Variants in SP140 observed in about 807,000 individuals in gnomAD.
SP140 encodes the protein SP140 nuclear body protein, also known as nuclear body protein SP140.
SP140 carries 81 observed loss-of-function variants against 125.0 expected under a neutral mutation model. The observed-to-expected ratio is 0.65, with a 90% CI of 0.54 to 0.78. The LOEUF (loss-of-function observed/expected upper bound fraction) is 0.78, where lower values mean the gene tolerates loss of function less well. SP140 is among the 30% of genes least tolerant of loss of function. The pLI is 0.00. For missense variants in SP140, 858 were observed against 1,037.0 expected (o/e 0.83, Z 2.37); for synonymous variants, 312 against 354.0 (o/e 0.88, Z 1.33).
At chr2:230,261,569 G>T (rs1166138992) in intron 12 of SP140, among the ~76,000 whole-genome samples, 1 of 152,118 alleles carries the variant, frequency 6.6e-6, no homozygotes, top group East Asian at 1.9e-4. Flanking sequence ...TCCCCATTCA[G>T]TATTATGTTG....
intron 14 of SP140, 79 bp from the exon 15 acceptor site, chr2:230,270,507 C>A: frequency 7.4e-7 from 1 of 1,354,774 alleles, no homozygotes; most frequent in Non-Finnish European, 1.0e-6. Flanking sequence ...CTCAAGCCTT[C>A]TGTAGTATAC....
intron 11 of SP140, among the ~76,000 whole-genome samples, chr2:230,254,389 T>A (rs2050832500): frequency 6.6e-6 from 1 of 152,142 alleles, no homozygotes; most frequent in Non-Finnish European, 1.5e-5. Flanking sequence ...AAGAATTCTT[T>A]CTCTCCCCGC....
chr2:230,305,684 G>T (rs1195973521), intron 22 of SP140, among the ~76,000 whole-genome samples: 1 of 152,220 alleles, frequency 6.6e-6, no homozygotes, highest in African/African-American at 2.4e-5. Flanking sequence ...GGGCCCGAAC[G>T]CGGAGCAGTG....
chr2:230,308,514 T>C (rs922134702), intron 22 of SP140, among the ~76,000 whole-genome samples: 2 of 152,252 alleles, frequency 1.3e-5, no homozygotes, highest in African/African-American at 4.8e-5. Flanking sequence ...TTGACAGCAG[T>C]GTATTAGTCA....
chr2:230,309,887 C>A (rs561306258), intron 22 of SP140, 37 bp from the exon 23 acceptor site: 1 of 1,607,164 alleles, frequency 6.2e-7, no homozygotes, highest in Admixed American at 1.7e-5. Flanking sequence ...CTGAATCTTG[C>A]GGTTCCCAGT....
chr2:230,275,489 CTG>C (rs2054580391), intron 15 of SP140, among the ~76,000 whole-genome samples: 1 of 152,160 alleles, frequency 6.6e-6, no homozygotes, highest in Non-Finnish European at 1.5e-5. Context: ...GCACCACACA[CTG>C]TGTTCGTATA....
upstream of SP140, chr2:230,202,613 C>T (rs1193533557): frequency 8.1e-6 from 13 of 1,614,186 alleles, no homozygotes; most frequent in African/African-American, 4.0e-5. Flanking sequence ...ATTCAGTTCT[C>T]GCCTTTTGGG....
chr2:230,269,515 T>G lies in SP140; in HGVS notation c.1241-17T>G, dbSNP rs1271558350. On this transcript the variant is annotated splice_polypyrimidine_tract_variant and intron_variant, in intron 12 of 26. Coordinates refer to ENST00000392045, the MANE Select transcript of SP140 (RefSeq NM_007237.5). ...GTCTCAGGATCCTTGGACAATAATT[T>G]TCTTGTTTCTCATTAGTGTCTAGTG... 10 of 1,498,056 alleles carry G rather than the reference T, an allele frequency of 6.7e-6. No individual in the cohort carries two copies. Among genetic ancestry groups the G allele is most frequent in the Non-Finnish European group, 9.3e-6 (10 of 1,074,474 alleles). 92.8% of individuals were successfully genotyped at this position (1,498,056 alleles called of 1,614,324 possible). A position where few individuals can be genotyped will look rare whatever the true frequency, so the allele number is the denominator to read the frequency against.
intron 3 of SP140, chr2:230,214,986 G>A: frequency 6.2e-7 from 1 of 1,613,966 alleles, no homozygotes; most frequent in Non-Finnish European, 8.5e-7. Flanking sequence ...ACCAGATTGG[G>A]ATATTCACGC....
Position 230,241,474 on chromosome 2 carries a change from A to T in SP140, c.477A>T (p.Pro159=), listed in dbSNP as rs371896289. 1.3e-6 allele frequency: 2 copies of T among 1,571,546 alleles called. No homozygotes were observed. Among genetic ancestry groups the T allele is most frequent in the East Asian group, 2.2e-5 (1 of 44,678 alleles). Residue 159 remains proline (P), a synonymous_variant, in exon 4 of 27, where the codon CCA becomes CCT. Coordinates refer to ENST00000392045, the MANE Select transcript of SP140 (RefSeq NM_007237.5). ...NDLEDRPRLL[P]YGKQENSNAC... Reference sequence around the variant, plus strand: ...TAGAAGATAGACCCAGATTACTACCATATGGTAAACAAGGTAACTATCATT... The same window carrying T: ...TAGAAGATAGACCCAGATTACTACCTTATGGTAAACAAGGTAACTATCATT...
intron 12 of SP140, among the ~76,000 whole-genome samples, chr2:230,256,679 A>T (rs988882403): frequency 4.6e-5 from 7 of 152,154 alleles, no homozygotes; most frequent in Non-Finnish European, 1.0e-4. Flanking sequence ...AATAAAAAAA[A>T]TTTCTATTCT....
In SP140 at chr2:230,247,998, G is replaced by A; in HGVS notation, c.825G>A (p.Arg275=). The A allele has an allele frequency of 6.2e-7, 1 of 1,613,824 alleles. No homozygotes were observed. The highest frequency in any genetic ancestry group is 1.7e-5 in the Admixed American group (1 of 59,956). ...PGEKQGEEEG[R]NSPRKRNQDK... is the part of the protein sequence containing the mutation. Reference sequence around the variant, plus strand: ...AGAAACAGGGAGAGGAGGAAGGCAGGAACAGTCCCAGAAAAAGAAACCAAG... The same window carrying A: ...AGAAACAGGGAGAGGAGGAAGGCAGAAACAGTCCCAGAAAAAGAAACCAAG... The change falls in exon 8 of 27, where the codon AGG becomes AGA. Residue 275 remains arginine, a synonymous_variant. Transcript: ENST00000392045.
rs978159699 is a variant in SP140, at chr2:230,211,062, A to G, written c.-322-2592A>G. Among the ~76,000 whole-genome samples, 2 of 152,204 alleles carry G rather than the reference A, an allele frequency of 1.3e-5. No individual in the cohort carries two copies. The highest frequency in any genetic ancestry group is 2.9e-5 in the Non-Finnish European group (2 of 68,036). On this transcript the variant is annotated intron_variant, in intron 1 of 4. Coordinates refer to the SP140 transcript ENST00000456542. The surrounding 1 kb of genome is among the most constrained non-coding windows in gnomAD (Gnocchi z 4.2). Reference sequence around the variant, plus strand: ...CACTACTTTATTGAAGTGGCCTCAGAAGAGTGGCTCTGTCAAACAGTCCAG... The same window carrying G: ...CACTACTTTATTGAAGTGGCCTCAGGAGAGTGGCTCTGTCAAACAGTCCAG...
intron 15 of SP140, among the ~76,000 whole-genome samples, chr2:230,279,937 T>C (rs1343319510): frequency 5.3e-5 from 8 of 152,026 alleles, no homozygotes; most frequent in Non-Finnish European, 1.2e-4. Context: ...TTTTTTTTTT[T>C]AATTTGCAAC....
At chr2:230,287,420 A>G (rs1167813620) in intron 17 of SP140, among the ~76,000 whole-genome samples, 5 of 152,184 alleles carry the variant, frequency 3.3e-5, no homozygotes, top group Non-Finnish European at 4.4e-5. Context: ...AGAAACTGAA[A>G]CGCCTTCACT....
chr2:230,221,768 A>G (rs2045840249), upstream of SP140: 6 of 1,527,578 alleles, frequency 3.9e-6, no homozygotes, highest in African/African-American at 1.4e-5. Flanking sequence ...TGGCAGCAAG[A>G]ACTTCTTCCT....
the SP140 span, among the ~76,000 whole-genome samples, chr2:230,195,363 C>T: frequency 6.6e-6 from 1 of 152,158 alleles, no homozygotes; most frequent in Non-Finnish European, 1.5e-5. Flanking sequence ...GGGACAGAGT[C>T]TTGTTCTGTT....
intron 1 of SP140, among the ~76,000 whole-genome samples, chr2:230,206,285 T>C (rs1033436907): frequency 1.3e-5 from 2 of 152,036 alleles, no homozygotes; most frequent in African/African-American, 4.8e-5. Flanking sequence ...AAAATTTTTC[T>C]TAAATTTTCC....
chr2:230,250,872 A>G (rs2050254085), intron 9 of SP140, 109 bp from the exon 10 acceptor site: 2 of 1,211,546 alleles, frequency 1.7e-6, no homozygotes, highest in Non-Finnish European at 2.4e-6. Flanking sequence ...CCTACAGGCC[A>G]GGAGGGCCTG....
Sources: allele counts gnomAD v4.1 joint callset (sites outside exome capture counted in the v4.1 genomes callset), GRCh38; gene constraint gnomAD v4.1.1; non-coding constraint Gnocchi (gnomAD v3.1); transcripts MANE v1.5; gene names NCBI Gene and HGNC (gene_info 2026-07-23, HGNC 2026-07-21).